LEPR: variants seen among roughly 807,000 people sequenced by gnomAD.
The protein encoded by LEPR is leptin receptor.
A neutral mutation model predicts 114.7 loss-of-function variants in LEPR; 56 were observed. The ratio of observed to expected loss-of-function variants is 0.49; its 90% CI spans 0.39 to 0.61. The LOEUF is 0.61. LEPR is among the 20% of genes least tolerant of loss of function. The pLI is 0.00. For missense variants in LEPR, 1,202 were observed against 1,352.9 expected (o/e 0.89, Z 1.75); for synonymous variants, 443 against 461.4 (o/e 0.96, Z 0.51).
intron 2 of LEPR, chr1:65,430,262 C>T (rs923014578): frequency 1.0e-5 from 4 of 388,494 alleles, no homozygotes; most frequent in East Asian, 7.5e-5. Context: ...TTTAGCCAGA[C>T]GATATGATTT....
intron 2 of LEPR, among the ~76,000 whole-genome samples, chr1:65,507,432 T>G (rs1003047404): frequency 7.6e-6 from 1 of 131,796 alleles, no homozygotes; most frequent in Non-Finnish European, 1.6e-5. Flanking sequence ...CTGAATAGTA[T>G]TCCATTGTGT....
At chr1:65,572,524 T>C in intron 5 of LEPR, 75 bp downstream of exon 5, 1 of 1,377,604 alleles carries the variant, frequency 7.3e-7, no homozygotes, top group Admixed American at 2.0e-5. Context: ...CGGAAGTAGA[T>C]TATAAACCTC....
At chr1:65,624,924 T>C (rs1236115738) in intron 19 of LEPR, among the ~76,000 whole-genome samples, 3 of 152,214 alleles carry the variant, frequency 2.0e-5, no homozygotes, top group African/African-American at 7.2e-5. Context: ...ATTCTTTTTA[T>C]AGAAACTTCG....
chr1:65,548,948 A>G (rs1387254254), intron 2 of LEPR, among the ~76,000 whole-genome samples: 58 of 152,246 alleles, frequency 3.8e-4, no homozygotes, highest in African/African-American at 1.3e-3. Context: ...GGCTGGTACC[A>G]GTTGTTCCTT....
Position 65,637,311 on chromosome 1 carries a change from G to T in LEPR, c.*296G>T. 3.6e-6 allele frequency: 1 copy of T among 276,652 alleles called. No individual in the cohort carries two copies. The highest frequency in any genetic ancestry group is 2.2e-5 in the African/African-American group (1 of 45,878). 17.1% of individuals were successfully genotyped at this position (276,652 alleles called of 1,614,324 possible). The stretch of plus-strand genomic sequence containing the variant: ...ACACCATCTTTTGTGAGATGTAATT[G>T]TTTTTTCAGAGGGCGTGTTGTTTTA... On this transcript the variant is annotated 3_prime_UTR_variant, in exon 20 of 20. Transcript: ENST00000349533.
intron 2 of LEPR, among the ~76,000 whole-genome samples, chr1:65,426,971 C>G (rs915675364): frequency 3.3e-5 from 5 of 151,296 alleles, no homozygotes; most frequent in African/African-American, 4.9e-5. Context: ...GCACTCTAGC[C>G]TGGCGACAGA....
At chr1:65,605,986 CAAAT>C (rs1424005521) in intron 11 of LEPR, among the ~76,000 whole-genome samples, 3 of 151,962 alleles carry the variant, frequency 2.0e-5, no homozygotes, top group African/African-American at 4.8e-5. Context: ...ATTTTCCCCT[CAAAT>C]AAAATATTCC....
intron 2 of LEPR, among the ~76,000 whole-genome samples, chr1:65,473,876 A>G (rs898020946): frequency 6.6e-6 from 1 of 152,218 alleles, no homozygotes; most frequent in South Asian, 2.1e-4. Context: ...GTTAGCTATA[A>G]TTATAAGAAA....
chr1:65,596,520 G>T lies in LEPR; in HGVS notation c.776G>T (p.Ser259Ile), dbSNP rs767829119. The T allele has an allele frequency of 6.2e-7, 1 of 1,612,778 alleles. No individual in the cohort carries two copies. The highest frequency in any genetic ancestry group is 8.5e-7 in the Non-Finnish European group (1 of 1,179,248). The change falls in exon 7 of 20, where the codon AGC (serine) becomes ATC (isoleucine). Residue 259 changes from serine to isoleucine, a missense_variant. Coordinates refer to ENST00000349533, the MANE Select transcript of LEPR (RefSeq NM_002303.6). ...GGTAATTTAAAGATTTCTTGGTCCAGCCCACCATTGGTACCATTTCCACTT... is the reference window on the plus strand; with the variant it reads ...GGTAATTTAAAGATTTCTTGGTCCATCCCACCATTGGTACCATTTCCACTT... The part of the protein sequence containing the change: ...DDGNLKISWS[S>I]PPLVPFPLQY...
chr1:65,573,980 A>G (rs1654395190), intron 5 of LEPR, among the ~76,000 whole-genome samples: 1 of 152,230 alleles, frequency 6.6e-6, no homozygotes, highest in African/African-American at 2.4e-5. Context: ...ATGAATGGTT[A>G]CGATCACTGT....
chr1:65,605,470 A>C (rs1165750745), intron 11 of LEPR, among the ~76,000 whole-genome samples: 2 of 152,228 alleles, frequency 1.3e-5, no homozygotes, highest in African/African-American at 4.8e-5. Flanking sequence ...TCTGCACACT[A>C]TTAGATGAAA....
chr1:65,542,129 G>A (rs967815796), intron 2 of LEPR, among the ~76,000 whole-genome samples: 2 of 151,816 alleles, frequency 1.3e-5, no homozygotes, highest in Admixed American at 1.3e-4. Flanking sequence ...TACTGTGCTG[G>A]GCATATTATG....
intron 2 of LEPR, among the ~76,000 whole-genome samples, chr1:65,505,638 C>T (rs1648686213): frequency 6.6e-6 from 1 of 152,158 alleles, no homozygotes; most frequent in South Asian, 2.1e-4. Flanking sequence ...ACTCCAGCTC[C>T]CACCCCCTCT....
intron 2 of LEPR, among the ~76,000 whole-genome samples, chr1:65,458,207 A>T (rs1270407310): frequency 6.6e-6 from 1 of 151,886 alleles, no homozygotes. Flanking sequence ...TGTGAGATAC[A>T]GGAGGCTCCT....
rs544013451 is a variant in LEPR, at chr1:65,433,260, G to A, written c.-21+7882G>A. The stretch of plus-strand genomic sequence containing the variant: ...AGAGATATAGGAGCCATGTAAGCAC[G>A]CAGTGGGTGAACTGCTTAATTTCAC... On this transcript the variant is annotated intron_variant, in intron 2 of 19. Coordinates refer to ENST00000349533, the MANE Select transcript of LEPR (RefSeq NM_002303.6). The A allele has an allele frequency of 8.1e-6, 8 of 985,268 alleles. No homozygotes were observed. In the South Asian group the frequency reaches 1.4e-4, roughly 17 times the overall value. The allele number at this position is 985,268 out of a possible 1,614,324, so 61.0% of individuals were successfully genotyped here. A position where few individuals can be genotyped will look rare whatever the true frequency, so the allele number is the denominator to read the frequency against.
chr1:65,618,119 T>C lies in LEPR; in HGVS notation c.2368T>C (p.Ser790Pro). The change falls in exon 16 of 20, where the codon TCA (serine) becomes CCA (proline). Residue 790 changes from serine to proline, a missense_variant. By Grantham distance (74) the Ser-to-Pro change is moderately conservative. Transcript: ENST00000349533. ...TGAAATAAAATGGCTTAGAATCTCTTCATCTGTTAAGAAGTATTATATCCA... is the reference window on the plus strand; with the variant it reads ...TGAAATAAAATGGCTTAGAATCTCTCCATCTGTTAAGAAGTATTATATCCA... ...DGEIKWLRIS[S>P]SVKKYYIHDH... is the part of the protein sequence containing the mutation. The C allele has an allele frequency of 1.2e-6, 2 of 1,609,778 alleles. No individual in the cohort carries two copies. The highest frequency in any genetic ancestry group is 1.7e-6 in the Non-Finnish European group (2 of 1,178,192).
intron 6 of LEPR, among the ~76,000 whole-genome samples, chr1:65,593,792 A>G (rs968791518): frequency 6.6e-6 from 1 of 152,118 alleles, no homozygotes; most frequent in Non-Finnish European, 1.5e-5. Flanking sequence ...CATAATTACA[A>G]TGGCATACAA....
At chr1:65,438,245 T>C (rs930439687) in intron 2 of LEPR, among the ~76,000 whole-genome samples, 1 of 150,704 alleles carries the variant, frequency 6.6e-6, no homozygotes, top group African/African-American at 2.4e-5. Context: ...ACTGGCCAGG[T>C]TATGGCCACG....
intron 2 of LEPR, among the ~76,000 whole-genome samples, chr1:65,543,871 C>A (rs1327969066): frequency 6.6e-6 from 1 of 151,866 alleles, no homozygotes; most frequent in Non-Finnish European, 1.5e-5. Flanking sequence ...TTACTGTAGC[C>A]TTGTAGTATA....
Sources: allele counts gnomAD v4.1 joint callset (sites outside exome capture counted in the v4.1 genomes callset), GRCh38; gene constraint gnomAD v4.1.1; transcripts MANE v1.5; gene names NCBI Gene and HGNC (gene_info 2026-07-23, HGNC 2026-07-21).